EPHB1: variants seen among roughly 807,000 people sequenced by gnomAD.
EPHB1 encodes ephrin type-B receptor 1.
EPHB1 carries 30 observed loss-of-function variants against 94.4 expected under a neutral mutation model. The ratio of observed to expected loss-of-function variants is 0.32; its 90% confidence interval spans 0.24 to 0.43. The LOEUF (loss-of-function observed/expected upper bound fraction) is 0.43, where lower values mean the gene tolerates loss of function less well. Ranked by LOEUF, EPHB1 falls within the 20% of genes least tolerant of loss-of-function variation. EPHB1 has a pLI of 1.00. For missense variants in EPHB1, 1,055 were observed against 1,308.3 expected, an observed-to-expected ratio of 0.81 and a Z score of 2.99; for synonymous variants, 522 against 489.1, an observed-to-expected ratio of 1.07 and a Z score of -0.89.
intron 3 of EPHB1, among the ~76,000 whole-genome samples, chr3:135,051,961 G>A (rs1448187597): frequency 2.0e-5 from 3 of 152,278 alleles, no homozygotes; most frequent in Non-Finnish European, 1.5e-5. Context: ...GAAAAGATGA[G>A]CTAATTTTTT....
At position 135,167,060 on chromosome 3, in the gene EPHB1, T is replaced by C. The variant is rs111941885; in HGVS notation, c.1759+54T>C. ...GACCCCCACAGGCCACTGAGTCAAG[T>C]GGGCTAGTGCTCAGAGCTCTCTTTA... On this transcript the variant is annotated intron_variant, in intron 9 of 15. Transcript: ENST00000398015. 117 of 1,596,452 alleles carry C rather than the reference T, an allele frequency of 7.3e-5. 3 individuals carry two copies. The African/African-American group carries it at 1.3e-3, about 18-fold the overall frequency.
At chr3:135,053,856 G>T (rs929895619) in intron 3 of EPHB1, among the ~76,000 whole-genome samples, 1 of 152,042 alleles carries the variant, frequency 6.6e-6, no homozygotes, top group African/African-American at 2.4e-5. Context: ...TCTGGGTGTG[G>T]TGGCACGTGC....
At chr3:135,079,601 G>C (rs1938086798) in intron 3 of EPHB1, among the ~76,000 whole-genome samples, 1 of 152,142 alleles carries the variant, frequency 6.6e-6, no homozygotes. Context: ...TCATCACATA[G>C]TGGAGTCCTG....
At chr3:135,244,480 G>A (rs1943873196) in intron 13 of EPHB1, among the ~76,000 whole-genome samples, 1 of 152,158 alleles carries the variant, frequency 6.6e-6, no homozygotes, top group Non-Finnish European at 1.5e-5. Flanking sequence ...AAGGAGCCCA[G>A]AATTCACTTC....
At chr3:135,242,273 G>C (rs181221757) in intron 13 of EPHB1, among the ~76,000 whole-genome samples, 170 of 152,172 alleles carry the variant, frequency 1.1e-3, no homozygotes, top group African/African-American at 4.0e-3. Flanking sequence ...TTGGGAGGGG[G>C]CAGTTTTTAT....
intron 15 of EPHB1, among the ~76,000 whole-genome samples, chr3:135,258,226 C>G (rs1437389199): frequency 6.6e-6 from 1 of 152,198 alleles, no homozygotes; most frequent in Non-Finnish European, 1.5e-5. Context: ...CATCTTGGCT[C>G]CTCCAATCAC....
chr3:135,128,465 C>A (rs1940291557), intron 4 of EPHB1, among the ~76,000 whole-genome samples: 1 of 152,148 alleles, frequency 6.6e-6, no homozygotes, highest in East Asian at 1.9e-4. Flanking sequence ...AGGAATATGC[C>A]CATCTCATCA....
chr3:134,907,416 A>G (rs145671897), intron 1 of EPHB1, among the ~76,000 whole-genome samples: 16 of 152,334 alleles, frequency 1.1e-4, no homozygotes, highest in Non-Finnish European at 2.2e-4. Flanking sequence ...GCTTGGTGAA[A>G]CATAAAGAAA....
At chr3:135,185,695 A>T (rs1332519592) in intron 10 of EPHB1, among the ~76,000 whole-genome samples, 2 of 152,192 alleles carry the variant, frequency 1.3e-5, no homozygotes, top group South Asian at 2.1e-4. Flanking sequence ...TGTAACCCTC[A>T]CATGAATGTA....
At chr3:134,880,241 G>A (rs1301265084) in intron 1 of EPHB1, among the ~76,000 whole-genome samples, 2 of 152,212 alleles carry the variant, frequency 1.3e-5, no homozygotes, top group African/African-American at 2.4e-5. Context: ...GTGTGAGGAT[G>A]TAATGTGACA....
chr3:135,126,735 T>A lies in EPHB1; in HGVS notation c.962-5979T>A, dbSNP rs143047539. On this transcript the variant is annotated intron_variant, in intron 4 of 15. Coordinates refer to ENST00000398015, the MANE Select transcript of EPHB1 (RefSeq NM_004441.5). ...CACTGGTCATGTCTTTTCCCAAGCA[T>A]CTGTAACACCTTGCATCTGTACCAC... 1.4e-4 allele frequency among the ~76,000 whole-genome samples: 21 copies of A among 152,320 alleles called. No homozygotes were observed. In the East Asian group the frequency reaches 3.5e-3, roughly 25 times the overall value.
At chr3:134,964,615 G>A (rs1933657474) in intron 3 of EPHB1, among the ~76,000 whole-genome samples, 1 of 152,202 alleles carries the variant, frequency 6.6e-6, no homozygotes, top group Admixed American at 6.5e-5. Flanking sequence ...GCTTCCATTT[G>A]GTTTCTGGGT....
At chr3:134,822,248 T>A (rs1300484807) in intron 1 of EPHB1, among the ~76,000 whole-genome samples, 3 of 152,120 alleles carry the variant, frequency 2.0e-5, no homozygotes, top group East Asian at 3.9e-4. Flanking sequence ...CTGTGCCCTG[T>A]GTTGCTGTGT....
At chr3:135,184,739 T>C (rs770759221) in intron 10 of EPHB1, among the ~76,000 whole-genome samples, 4 of 152,218 alleles carry the variant, frequency 2.6e-5, no homozygotes, top group Non-Finnish European at 5.9e-5. Flanking sequence ...GAAAGCTGAC[T>C]CTTCCTCTTC....
intron 1 of EPHB1, among the ~76,000 whole-genome samples, chr3:134,872,883 A>G (rs529209700): frequency 6.6e-6 from 1 of 152,344 alleles, no homozygotes; most frequent in East Asian, 1.9e-4. Context: ...GGAGCCTGGC[A>G]TCCCAAGAAA....
chr3:135,217,424 CCACACACACACACACA>C (rs200312241), intron 12 of EPHB1, among the ~76,000 whole-genome samples: 13 of 143,494 alleles, frequency 9.1e-5, no homozygotes, highest in African/African-American at 2.1e-4. Context: ...CCCATCAGTA[CCACACACACACACACA>C]CACACACACA....
intron 1 of EPHB1, among the ~76,000 whole-genome samples, chr3:134,919,360 C>T (rs1056924612): frequency 6.6e-6 from 1 of 152,176 alleles, no homozygotes; most frequent in Non-Finnish European, 1.5e-5. Context: ...ACTTCTGTGG[C>T]TGTGCTGGGC....
chr3:135,146,106 C>T (rs1307070163), intron 5 of EPHB1, among the ~76,000 whole-genome samples: 2 of 152,130 alleles, frequency 1.3e-5, no homozygotes, highest in African/African-American at 4.8e-5. Flanking sequence ...GTGGAGATCA[C>T]ACCCCAAGGG....
chr3:134,917,372 C>T (rs1049105425), intron 1 of EPHB1, among the ~76,000 whole-genome samples: 2 of 152,240 alleles, frequency 1.3e-5, no homozygotes, highest in African/African-American at 4.8e-5. Context: ...ATGCTCTGGT[C>T]TGCTTCTCTG....
Sources: gnomAD v4.1 joint callset for allele counts (sites outside exome capture counted in the v4.1 genomes callset) on GRCh38, gnomAD v4.1.1 for gene constraint, MANE v1.5 for transcripts, NCBI Gene and HGNC (gene_info 2026-07-23, HGNC 2026-07-21) for gene names.